The following HCCS variants were observed in gnomAD, a reference collection of about 807,000 sequenced individuals.
The protein encoded by HCCS is holocytochrome c synthase.
Under a neutral mutation model 24.2 loss-of-function variants are expected in HCCS, and 2 were observed. The ratio of observed to expected loss-of-function variants is 0.08; its 90% CI spans 0.03 to 0.26. The LOEUF (loss-of-function observed/expected upper bound fraction) is 0.26, where lower values mean the gene tolerates loss of function less well. Among genes scored for constraint, HCCS ranks in the 10% least tolerant of loss-of-function variants. The pLI, the probability that HCCS is intolerant of heterozygous loss-of-function variation, is 1.00. For synonymous variants in HCCS, 73 were observed against 76.2 expected (o/e 0.96, Z 0.22); for missense variants, 150 against 213.3 (o/e 0.70, Z 1.85).
intron 4 of HCCS, among the ~76,000 whole-genome samples, chrX:11,117,875 C>CTCT (rs1224521497): frequency 1.8e-5 from 2 of 111,810 alleles, no homozygotes; most frequent in Non-Finnish European, 1.9e-5. Context: ...AAGGCCTTCC[C>CTCT]TCTTACTCAT....
intron 5 of HCCS, among the ~76,000 whole-genome samples, chrX:11,119,189 G>A (rs1366761428): frequency 8.9e-6 from 1 of 111,977 alleles, no homozygotes; most frequent in Non-Finnish European, 1.9e-5. Context: ...TGGGAAGGGA[G>A]ATGCTAAAAT....
At chrX:11,120,480 A>T (rs1182856129) in intron 5 of HCCS, among the ~76,000 whole-genome samples, 1 of 112,386 alleles carries the variant, frequency 8.9e-6, no homozygotes, top group Non-Finnish European at 1.9e-5. Flanking sequence ...TCTTTTCTTC[A>T]TAAAGGCTGT....
chrX:11,118,695 C>T (rs917076259), intron 5 of HCCS, 75 bp downstream of exon 5: 1 of 1,048,569 alleles, frequency 9.5e-7, no homozygotes, highest in African/African-American at 1.8e-5. Flanking sequence ...TTTTAACATT[C>T]AAATCATTTG....
Position 11,121,828 on chromosome X carries a change from A to G in HCCS, c.*18A>G. ...CCTCGTAAAGCACTGTTTCAGATGG[A>G]AAAATATAAACTATTTTTTTCTGAG... On this transcript the variant is annotated 3_prime_UTR_variant, in exon 7 of 7. Transcript: ENST00000380762. 2 of 1,160,661 alleles carry G rather than the reference A, an allele frequency of 1.7e-6. No individual in the cohort carries two copies. The highest frequency in any genetic ancestry group is 3.1e-4 in the Middle Eastern group (1 of 3,185).
intron 2 of HCCS, 63 bp from the exon 3 acceptor site, chrX:11,114,772 C>T: frequency 2.0e-6 from 2 of 1,024,689 alleles, no homozygotes; most frequent in South Asian, 1.9e-5. Flanking sequence ...TTTAGTGCTC[C>T]AATTGAGAGA....
intron 4 of HCCS, among the ~76,000 whole-genome samples, chrX:11,118,082 C>T (rs776314107): frequency 1.7e-3 from 195 of 112,282 alleles, no homozygotes; most frequent in Middle Eastern, 4.6e-3. Flanking sequence ...CAGGTTGACA[C>T]ATAAAATTAA....
chrX:11,116,244 T>C (rs1365090066), intron 3 of HCCS: 1 of 112,114 alleles, frequency 8.9e-6, no homozygotes, highest in Non-Finnish European at 1.9e-5. Flanking sequence ...CATTCTCCCC[T>C]TTAATCCTCA....
intron 4 of HCCS, among the ~76,000 whole-genome samples, chrX:11,117,819 C>A (rs1296824090): frequency 8.9e-6 from 1 of 111,776 alleles, no homozygotes; most frequent in East Asian, 2.8e-4. Flanking sequence ...CAGTTTAAGT[C>A]CAAAGGCAGG....
chrX:11,114,822 T>C lies in HCCS; in HGVS notation c.101-13T>C, dbSNP rs780132713. The C allele has an allele frequency of 2.7e-5, 33 of 1,204,312 alleles. No homozygotes were observed. The East Asian group carries it at 5.3e-4, about 19-fold the overall frequency. ...CTTCATGGTGACACCATTTTTATACTTGATTATTTCAGGCTGTCCAGTGAA... is the reference window on the plus strand; with the variant it reads ...CTTCATGGTGACACCATTTTTATACCTGATTATTTCAGGCTGTCCAGTGAA... On this transcript the variant is annotated splice_polypyrimidine_tract_variant and intron_variant, in intron 2 of 6. Transcript: ENST00000380762.
At position 11,112,168 on chromosome X, in the gene HCCS, G is replaced by A. The variant is rs374442274; in HGVS notation, c.100+8G>A. Reference sequence around the variant, plus strand: ...ATGAAGGGAAAATGAAAGGTAATCGGCCCTTTGCCTAGAAAATAAAAACAA... The same window carrying A: ...ATGAAGGGAAAATGAAAGGTAATCGACCCTTTGCCTAGAAAATAAAAACAA... On this transcript the variant is annotated splice_region_variant and intron_variant, in intron 2 of 6. Coordinates refer to ENST00000380762, the MANE Select transcript of HCCS (RefSeq NM_005333.5). 4.3e-6 allele frequency: 5 copies of A among 1,150,989 alleles called. No individual in the cohort carries two copies. In the African/African-American group the frequency reaches 5.3e-5, roughly 12 times the overall value. 94.9% of individuals were successfully genotyped at this position (1,150,989 alleles called of 1,213,427 possible). A position where few individuals can be genotyped will look rare whatever the true frequency, so the allele number is the denominator to read the frequency against.
intron 5 of HCCS, chrX:11,120,052 G>A (rs1209091443): frequency 3.1e-6 from 1 of 322,929 alleles, no homozygotes. Flanking sequence ...GTTCCTAAAA[G>A]GAGAAGAAAA....
rs1463486062 is a variant in HCCS, at chrX:11,120,973, A to G, written c.588A>G (p.Ala196=). ...AAGCAAAAGAGTATTCACCAAGGGC[A>G]CGAATTCGTTCCTGGATGGGGTGAG... ...GGKAKEYSPR[A]RIRSWMGYEL... The change falls in exon 6 of 7, where the codon GCA becomes GCG. Residue 196 remains alanine, a synonymous_variant. Transcript: ENST00000380762. The G allele has an allele frequency of 1.3e-5, 16 of 1,206,173 alleles. No individual in the cohort carries two copies. The highest frequency in any genetic ancestry group is 1.8e-5 in the Non-Finnish European group (16 of 890,323).
chrX:11,114,130 C>G (rs902147003), intron 2 of HCCS, among the ~76,000 whole-genome samples: 3 of 112,596 alleles, frequency 2.7e-5, no homozygotes, highest in African/African-American at 9.7e-5. Flanking sequence ...TCAGACCTTC[C>G]CTCGTAATGG....
chrX:11,121,738 C>A lies in HCCS; in HGVS notation c.735C>A (p.Val245=). The A allele has an allele frequency of 8.3e-7, 1 of 1,211,274 alleles. No individual in the cohort carries two copies. Among genetic ancestry groups the A allele is most frequent in the Admixed American group, 2.2e-5 (1 of 46,101 alleles). The change falls in exon 7 of 7, where the codon GTC becomes GTA. Residue 245 remains valine, a synonymous_variant. Transcript: ENST00000380762. ...NKDYQFTILD[V]RPALDSLSAV... is the part of the protein sequence containing the mutation. ...ACTACCAGTTCACCATCCTGGACGT[C>A]CGTCCTGCCTTAGATTCACTTTCGG...
At chrX:11,117,240 A>T in intron 3 of HCCS, 27 bp from the exon 4 acceptor site, 5 of 1,193,652 alleles carry the variant, frequency 4.2e-6, no homozygotes, top group Non-Finnish European at 5.7e-6. Flanking sequence ...TATATCCTAT[A>T]AAAGCAAATC....
At chrX:11,112,307 A>T (rs1194996023) in intron 2 of HCCS, 147 bp downstream of exon 2, 1 of 485,558 alleles carries the variant, frequency 2.1e-6, no homozygotes, top group Non-Finnish European at 3.6e-6. Context: ...CAACATGGCA[A>T]AAACCTCCCT....
In HCCS at chrX:11,118,737, G is replaced by A. The variant is rs530339954; in HGVS notation, c.521+117G>A. ...TAAAACATTTTATGTAGCAGGCATG[G>A]CTCAGTGACAATTGTTGCATGACAG... On this transcript the variant is annotated intron_variant, in intron 5 of 6. Transcript: ENST00000380762. 78 of 790,293 alleles carry A rather than the reference G, an allele frequency of 9.9e-5. No individual in the cohort carries two copies. The African/African-American group carries it at 1.5e-3, about 15-fold the overall frequency. 65.1% of individuals were successfully genotyped at this position (790,293 alleles called of 1,213,427 possible).
chrX:11,116,575 G>A (rs924892814), intron 3 of HCCS, among the ~76,000 whole-genome samples: 1 of 112,826 alleles, frequency 8.9e-6, no homozygotes, highest in African/African-American at 3.2e-5. Context: ...TCCCAACCTT[G>A]GGTGATTTTG....
rs189107814 is a variant in HCCS at position 11,121,690 on chromosome X, T to C, written c.687T>C (p.Tyr229=). 3.4e-5 allele frequency: 41 copies of C among 1,205,331 alleles called. No individual in the cohort carries two copies. The East Asian group carries it at 8.9e-4, about 26-fold the overall frequency. Reference sequence around the variant, plus strand: ...AAGTTAGATATGTGATTGATTATTATGATGGTGGTGAAGTCAACAAGGACT... The same window carrying C: ...AAGTTAGATATGTGATTGATTATTACGATGGTGGTGAAGTCAACAAGGACT... The part of the protein sequence containing the change: ...GTEVRYVIDY[Y]DGGEVNKDYQ... Residue 229 remains tyrosine (Y), a synonymous_variant, in exon 7 of 7, where the codon TAT becomes TAC. Coordinates refer to ENST00000380762, the MANE Select transcript of HCCS (RefSeq NM_005333.5).
Sources: gnomAD v4.1 joint callset for allele counts (sites outside exome capture counted in the v4.1 genomes callset) on GRCh38, gnomAD v4.1.1 for gene constraint, MANE v1.5 for transcripts, NCBI Gene and HGNC (gene_info 2026-07-23, HGNC 2026-07-21) for gene names.